Variants in ADGRD1 observed in about 807,000 individuals in gnomAD.
The protein encoded by ADGRD1 is G-protein coupled receptor 133.
In ADGRD1, 77 loss-of-function variants were observed where a neutral mutation model predicts 113.4. The ratio of observed to expected loss-of-function variants is 0.68; its 90% CI spans 0.57 to 0.82. The LOEUF is 0.82. Ranked by LOEUF, ADGRD1 falls within the 40% of genes least tolerant of loss-of-function variation. The pLI is 0.00. For missense variants in ADGRD1, 1,036 were observed against 1,139.1 expected (o/e 0.91, Z 1.30); for synonymous variants, 474 against 475.0 (o/e 1.00, Z 0.03).
In ADGRD1 at chr12:131,003,244, C is replaced by T; in HGVS notation, c.1086C>T (p.Ser362=). The change falls in exon 10 of 25, where the codon TCC becomes TCT. Residue 362 remains serine (S), a synonymous_variant. Transcript: ENST00000261654. This position sits in a 1 kb window ranked among gnomAD's most constrained non-coding sequence, Gnocchi z 4.8. Reference sequence around the variant, plus strand: ...TTGACACCGTCATGGGCCATGTATCCTCCAACCTGCACGGCAGCACGCCCC... The same window carrying T: ...TTGACACCGTCATGGGCCATGTATCTTCCAACCTGCACGGCAGCACGCCCC... ...DTIDTVMGHV[S]SNLHGSTPQV... The T allele has an allele frequency of 6.2e-7, 1 of 1,614,122 alleles. No homozygotes were observed. Among genetic ancestry groups the T allele is most frequent in the Non-Finnish European group, 8.5e-7 (1 of 1,180,016 alleles).
intron 13 of ADGRD1, among the ~76,000 whole-genome samples, chr12:131,042,195 G>A (rs1158082485): frequency 2.6e-5 from 4 of 152,254 alleles, no homozygotes; most frequent in African/African-American, 9.6e-5. Context: ...TTTTTAAAAT[G>A]TTAGCAAGTG....
At chr12:131,123,461 C>CT (rs1950656580) in intron 20 of ADGRD1, among the ~76,000 whole-genome samples, 1 of 152,018 alleles carries the variant, frequency 6.6e-6, no homozygotes, top group Non-Finnish European at 1.5e-5. Flanking sequence ...CTCATGCCCT[C>CT]TTGGGACATT....
chr12:131,132,548 G>A (rs1275004944), intron 21 of ADGRD1, among the ~76,000 whole-genome samples: 2 of 152,208 alleles, frequency 1.3e-5, no homozygotes, highest in East Asian at 1.9e-4. Flanking sequence ...GCTCGCCTTC[G>A]CATCCTTAGT....
At chr12:130,980,418 GAC>G (rs1451868878) in intron 4 of ADGRD1, among the ~76,000 whole-genome samples, 2 of 136,222 alleles carry the variant, frequency 1.5e-5, no homozygotes, top group Middle Eastern at 0.01. Flanking sequence ...TTTTTTTTGA[GAC>G]AGAGTCTTGC....
intron 14 of ADGRD1, among the ~76,000 whole-genome samples, chr12:131,081,511 T>C (rs750841311): frequency 2.8e-4 from 42 of 152,358 alleles, no homozygotes; most frequent in Non-Finnish European, 5.4e-4. Flanking sequence ...CATTCATGCC[T>C]GCCTTCAAGT....
chr12:130,955,184 C>G (rs529489325), intron 2 of ADGRD1, among the ~76,000 whole-genome samples: 6 of 136,668 alleles, frequency 4.4e-5, no homozygotes, highest in Non-Finnish European at 9.2e-5. Flanking sequence ...AGGCTGGTCT[C>G]GAACTCCTGA....
chr12:131,120,114 A>G (rs1950557607), intron 19 of ADGRD1, among the ~76,000 whole-genome samples: 1 of 152,152 alleles, frequency 6.6e-6, no homozygotes, highest in South Asian at 2.1e-4. Context: ...GAAATAAGCC[A>G]GCCCCGGGGA....
intron 15 of ADGRD1, among the ~76,000 whole-genome samples, chr12:131,094,287 T>TG (rs1262741167): frequency 3.3e-5 from 5 of 151,896 alleles, no homozygotes; most frequent in African/African-American, 4.8e-5. Context: ...GGGAGTGGGG[T>TG]GGGGTGGAGC....
At position 131,052,260 on chromosome 12, in the gene ADGRD1, A is replaced by C. The variant is rs76010697; in HGVS notation, c.1474-24541A>C. Among the ~76,000 whole-genome samples, 1,063 of 151,916 alleles carry C rather than the reference A, an allele frequency of 7.0e-3. 8 individuals carry two copies. Among genetic ancestry groups the C allele is most frequent in the African/African-American group, 0.025 (1,015 of 41,400 alleles). On this transcript the variant is annotated intron_variant, in intron 13 of 24. Transcript: ENST00000261654. ...GGGGCTCATTTTCTCTGAGATGAGA[A>C]CCCCTGCACCGAGTCCCACCCTGGT...
chr12:130,954,715 T>C lies in ADGRD1; in HGVS notation c.103+55T>C. ...CCGCTCTCCCCCTGCCTAGTGCAGG[T>C]ATCTCAGGAACAGCCCACTTGTTCA... On this transcript the variant is annotated intron_variant, in intron 2 of 24. Coordinates refer to ENST00000261654, the MANE Select transcript of ADGRD1 (RefSeq NM_198827.5). The surrounding 1 kb of genome is among the most constrained non-coding windows in gnomAD (Gnocchi z 4.7). 6.5e-7 allele frequency: 1 copy of C among 1,531,268 alleles called. No individual in the cohort carries two copies. The highest frequency in any genetic ancestry group is 2.2e-5 in the East Asian group (1 of 44,474). The allele number at this position is 1,531,268 out of a possible 1,614,324, so 94.9% of individuals were successfully genotyped here. A position where few individuals can be genotyped will look rare whatever the true frequency, so the allele number is the denominator to read the frequency against.
At position 131,138,122 on chromosome 12, in the gene ADGRD1, T is replaced by C; in HGVS notation, c.2437-15T>C. The C allele has an allele frequency of 1.2e-6, 2 of 1,611,444 alleles. No individual in the cohort carries two copies. Among genetic ancestry groups the C allele is most frequent in the Non-Finnish European group, 1.7e-6 (2 of 1,178,340 alleles). Reference sequence around the variant, plus strand: ...CCTCTGAAATTGCTCTCACGATCCCTTCCCCGCTTTCAAGGTGAGAGCCGC... The same window carrying C: ...CCTCTGAAATTGCTCTCACGATCCCCTCCCCGCTTTCAAGGTGAGAGCCGC... On this transcript the variant is annotated splice_polypyrimidine_tract_variant and intron_variant, in intron 23 of 24. Coordinates refer to ENST00000261654, the MANE Select transcript of ADGRD1 (RefSeq NM_198827.5).
chr12:131,076,767 C>T (rs369578824), intron 13 of ADGRD1, 34 bp from the exon 14 acceptor site: 13 of 1,590,680 alleles, frequency 8.2e-6, no homozygotes, highest in African/African-American at 2.7e-5. Context: ...TCTTCAGCAG[C>T]GTCATGCATC....
chr12:130,993,377 T>TTCATTCAC (rs1257187043), intron 8 of ADGRD1, among the ~76,000 whole-genome samples: 14 of 141,244 alleles, frequency 9.9e-5, no homozygotes, highest in African/African-American at 3.2e-4. Context: ...TCAGATTTCA[T>TTCATTCAC]TCATTCATTC....
At chr12:131,053,314 C>T (rs947673788) in intron 13 of ADGRD1, among the ~76,000 whole-genome samples, 6 of 152,266 alleles carry the variant, frequency 3.9e-5, no homozygotes, top group Admixed American at 3.9e-4. Flanking sequence ...GCTTTCTTCA[C>T]GTGCATGTGC....
At chr12:131,124,148 G>T (rs1018812637) in intron 20 of ADGRD1, among the ~76,000 whole-genome samples, 1 of 152,206 alleles carries the variant, frequency 6.6e-6, no homozygotes, top group Non-Finnish European at 1.5e-5. Context: ...TCCCTCTCAC[G>T]TCTTCAGAGG....
At chr12:131,073,071 G>A (rs930005704) in intron 13 of ADGRD1, among the ~76,000 whole-genome samples, 2 of 152,150 alleles carry the variant, frequency 1.3e-5, no homozygotes, top group African/African-American at 4.8e-5. Context: ...CTCAGCACTG[G>A]GGTGGCCCAG....
chr12:131,045,089 G>A (rs1271674276), intron 13 of ADGRD1, among the ~76,000 whole-genome samples: 1 of 152,254 alleles, frequency 6.6e-6, no homozygotes, highest in African/African-American at 2.4e-5. Flanking sequence ...ATCCGAATGC[G>A]AATGGCTGCT....
chr12:131,008,256 G>A (rs534556194), intron 12 of ADGRD1, among the ~76,000 whole-genome samples: 38 of 152,354 alleles, frequency 2.5e-4, no homozygotes, highest in East Asian at 2.3e-3. Flanking sequence ...TCCTGGGCAC[G>A]ATGAGAAGCA....
At chr12:131,123,039 G>GTTTTTTTTTTTTTTTTTT (rs552353187) in intron 20 of ADGRD1, among the ~76,000 whole-genome samples, 21 of 51,368 alleles carry the variant, frequency 4.1e-4, no homozygotes, top group Admixed American at 7.0e-4. Flanking sequence ...TACCTGGGGA[G>GTTTTTTTTTTTTTTTTTT]TTTTTTTTTT....
Sources: gnomAD v4.1 joint callset for allele counts (sites outside exome capture counted in the v4.1 genomes callset) on GRCh38, gnomAD v4.1.1 for gene constraint, Gnocchi (gnomAD v3.1) non-coding constraint, MANE v1.5 for transcripts, NCBI Gene and HGNC (gene_info 2026-07-23, HGNC 2026-07-21) for gene names.